PAK2: variants seen among roughly 807,000 people sequenced by gnomAD.
The protein encoded by PAK2 is p21 (RAC1) activated kinase 2, also known as serine/threonine-protein kinase PAK 2.
In PAK2, 21 loss-of-function variants were observed where a neutral mutation model predicts 65.9. That is an observed-to-expected ratio of 0.32 (90% confidence interval 0.23 to 0.46). The LOEUF (loss-of-function observed/expected upper bound fraction) is 0.46, where lower values mean the gene tolerates loss of function less well. Ranked by LOEUF, PAK2 falls within the 20% of genes least tolerant of loss-of-function variation. PAK2 has a pLI of 1.00. For missense variants in PAK2, 324 were observed against 642.6 expected (o/e 0.50, Z 5.36); for synonymous variants, 204 against 219.7 (o/e 0.93, Z 0.63).
In PAK2 at chr3:196,742,227, T is replaced by A. The variant is rs548974395; in HGVS notation, c.-22+2070T>A. ...TCTCAGCCTGCTGAGTAGCTGGGAT[T>A]ACAGGCACGCGCCACCACGCGCGGC... On this transcript the variant is annotated intron_variant, in intron 1 of 14. Transcript: ENST00000327134. Among the ~76,000 whole-genome samples the A allele has an allele frequency of 7.2e-4, 109 of 152,004 alleles. 1 individual carries two copies. Among genetic ancestry groups the A allele is most frequent in the African/African-American group, 2.5e-3 (105 of 41,472 alleles).
chr3:196,755,622 C>T (rs1713742623), intron 1 of PAK2, among the ~76,000 whole-genome samples: 1 of 152,054 alleles, frequency 6.6e-6, no homozygotes, highest in African/African-American at 2.4e-5. Context: ...CCACGCCTGG[C>T]TAATTTTGTA....
rs374986933 is a variant in PAK2 at position 196,742,742 on chromosome 3, G to A, written c.-22+2585G>A. ...ATCCTGGCTAACACAGTGAAACCCC[G>A]TCTCTACTAAAAATACAACAAAAAA... is the stretch of plus-strand genomic sequence containing the variant. On this transcript the variant is annotated intron_variant, in intron 1 of 14. Coordinates refer to ENST00000327134, the MANE Select transcript of PAK2 (RefSeq NM_002577.4). Among the ~76,000 whole-genome samples the A allele has an allele frequency of 2.4e-3, 372 of 152,034 alleles. 6 individuals carry two copies. The highest frequency in any genetic ancestry group is 8.8e-3 in the African/African-American group (364 of 41,494).
At chr3:196,812,150 A>C in intron 8 of PAK2, 69 bp from the exon 9 acceptor site, 2 of 872,872 alleles carry the variant, frequency 2.3e-6, no homozygotes, top group Admixed American at 3.5e-5. Flanking sequence ...TGAAGTGTAA[A>C]GTCTTTGGAT....
intron 1 of PAK2, among the ~76,000 whole-genome samples, chr3:196,741,208 T>C (rs1160739321): frequency 6.6e-6 from 1 of 152,228 alleles, no homozygotes; most frequent in Non-Finnish European, 1.5e-5. Context: ...TCCCCTGCTG[T>C]GTTCGACTCT....
rs1388854375 is a variant in PAK2, at chr3:196,803,160, T to C, written c.432T>C (p.Pro144=). 1 of 1,606,390 alleles carries C rather than the reference T, an allele frequency of 6.2e-7. No individual in the cohort carries two copies. The highest frequency in any genetic ancestry group is 1.1e-5 in the South Asian group (1 of 89,690). Residue 144 remains proline (P), a synonymous_variant, in exon 4 of 15, where the codon CCT becomes CCC. Coordinates refer to ENST00000327134, the MANE Select transcript of PAK2 (RefSeq NM_002577.4). ...AGCAGAAATATCTGAGCTTTACTCC[T>C]CCTGGTAAGAGAGTGGCATAAGGCT... ...TVKQKYLSFT[P]PEKDGFPSGT...
intron 1 of PAK2, among the ~76,000 whole-genome samples, chr3:196,754,419 C>T (rs1022882066): frequency 6.6e-6 from 1 of 152,078 alleles, no homozygotes; most frequent in East Asian, 1.9e-4. Context: ...CTGATGAAAC[C>T]GCTTCTCAGA....
At chr3:196,774,855 C>G (rs2108732986) in intron 1 of PAK2, among the ~76,000 whole-genome samples, 1 of 152,322 alleles carries the variant, frequency 6.6e-6, no homozygotes, top group South Asian at 2.1e-4. Context: ...CAGAGAAACC[C>G]TCTAGGGAGC....
intron 2 of PAK2, among the ~76,000 whole-genome samples, chr3:196,801,461 T>A (rs113832315): frequency 0.016 from 2,397 of 152,270 alleles, 64 homozygotes; most frequent in African/African-American, 0.055. Context: ...TATCAGCCAG[T>A]TTTTAGGGGA....
intron 4 of PAK2, among the ~76,000 whole-genome samples, chr3:196,804,351 G>A (rs528543361): frequency 2.6e-5 from 4 of 152,294 alleles, no homozygotes; most frequent in South Asian, 4.1e-4. Flanking sequence ...CAACCAGTAA[G>A]TCTGTGTGTA....
intron 5 of PAK2, among the ~76,000 whole-genome samples, chr3:196,806,074 G>C (rs960105222): frequency 6.6e-6 from 1 of 151,848 alleles, no homozygotes; most frequent in Non-Finnish European, 1.5e-5. Context: ...ACCACGACCA[G>C]CTAATTTTTT....
At chr3:196,741,378 G>A (rs1713186658) in intron 1 of PAK2, among the ~76,000 whole-genome samples, 1 of 152,196 alleles carries the variant, frequency 6.6e-6, no homozygotes, top group African/African-American at 2.4e-5. Context: ...TGTCAACTTT[G>A]CCAGAAGGTC....
intron 1 of PAK2, among the ~76,000 whole-genome samples, chr3:196,750,758 A>ATGT (rs765956328): frequency 7.5e-6 from 1 of 133,436 alleles, no homozygotes; most frequent in Non-Finnish European, 1.6e-5. Context: ...ATAAAGTTTA[A>ATGT]AAAAAAAAAA....
intron 2 of PAK2, among the ~76,000 whole-genome samples, chr3:196,798,806 A>G (rs1397710605): frequency 6.6e-6 from 1 of 152,232 alleles, no homozygotes; most frequent in African/African-American, 2.4e-5. Flanking sequence ...GTTTGTCTCA[A>G]TACATGGAGA....
intron 13 of PAK2, among the ~76,000 whole-genome samples, chr3:196,821,082 C>G (rs1438736326): frequency 1.3e-5 from 2 of 152,150 alleles, no homozygotes; most frequent in Non-Finnish European, 2.9e-5. Context: ...CTCAGTTGAT[C>G]CACTCGCCTC....
intron 2 of PAK2, among the ~76,000 whole-genome samples, chr3:196,787,348 A>G (rs1365732260): frequency 1.3e-5 from 2 of 152,014 alleles, no homozygotes; most frequent in Non-Finnish European, 2.9e-5. Flanking sequence ...TGGGAGGCCG[A>G]GGCCGGCAGA....
intron 13 of PAK2, among the ~76,000 whole-genome samples, chr3:196,821,034 C>T (rs745937011): frequency 6.6e-6 from 1 of 152,060 alleles, no homozygotes; most frequent in Non-Finnish European, 1.5e-5. Flanking sequence ...GAGACGGGGT[C>T]TCTCCATGTT....
At chr3:196,773,890 C>A (rs1248594542) in intron 1 of PAK2, among the ~76,000 whole-genome samples, 2 of 150,374 alleles carry the variant, frequency 1.3e-5, no homozygotes, top group Non-Finnish European at 3.0e-5. Flanking sequence ...ACAACAAATT[C>A]AATTAGCCGG....
intron 9 of PAK2, 44 bp downstream of exon 9, chr3:196,812,311 A>C (rs749096090): frequency 8.7e-7 from 1 of 1,152,522 alleles, no homozygotes; most frequent in Non-Finnish European, 1.3e-6. Context: ...TTATTTTGTC[A>C]TATAGGTGGA....
chr3:196,822,028 A>ATGGCAGCAGATTCTGACCGTCTGT (rs1225078647), intron 13 of PAK2, among the ~76,000 whole-genome samples: 43 of 152,346 alleles, frequency 2.8e-4, no homozygotes, highest in Admixed American at 7.2e-4. Flanking sequence ...CGAACAACAG[A>ATGGCAGCAGATTCTGACCGTCTGT]TGGCAGCAGA....
Sources: allele counts gnomAD v4.1 joint callset (sites outside exome capture counted in the v4.1 genomes callset), GRCh38; gene constraint gnomAD v4.1.1; transcripts MANE v1.5; gene names NCBI Gene and HGNC (gene_info 2026-07-23, HGNC 2026-07-21).